Variants in MGAT4C observed in about 807,000 individuals in gnomAD.
The protein encoded by MGAT4C is MGAT4 family member C.
A neutral mutation model predicts 40.1 loss-of-function variants in MGAT4C; 19 were observed. The ratio of observed to expected loss-of-function variants is 0.47; its 90% CI spans 0.33 to 0.70. The LOEUF (loss-of-function observed/expected upper bound fraction) is 0.70, where lower values mean the gene tolerates loss of function less well. Ranked by LOEUF, MGAT4C falls within the 30% of genes least tolerant of loss-of-function variation. The probability of loss-of-function intolerance (pLI) is 0.02; values close to 1 mark genes in which losing one functional copy is unlikely to be tolerated. For missense variants in MGAT4C, 491 were observed against 563.2 expected, an observed-to-expected ratio of 0.87 and a Z score of 1.30; for synonymous variants, 181 against 187.1, an observed-to-expected ratio of 0.97 and a Z score of 0.27.
At chr12:86,419,363 G>A (rs1956779025) in intron 3 of MGAT4C, among the ~76,000 whole-genome samples, 1 of 151,326 alleles carries the variant, frequency 6.6e-6, no homozygotes, top group Non-Finnish European at 1.5e-5. Context: ...TTTTATTTCA[G>A]CCTCTTTGAG....
At chr12:86,540,071 G>A (rs1259094755) in intron 2 of MGAT4C, among the ~76,000 whole-genome samples, 1 of 152,130 alleles carries the variant, frequency 6.6e-6, no homozygotes, top group Non-Finnish European at 1.5e-5. Context: ...ATTGCTTTTG[G>A]TGTTTTAGTC....
intron 1 of MGAT4C, among the ~76,000 whole-genome samples, chr12:86,232,237 T>C (rs78094422): frequency 0.015 from 2,237 of 152,308 alleles, 31 homozygotes; most frequent in African/African-American, 0.035. Flanking sequence ...TTTATGTGTA[T>C]GGAAAAATTT....
chr12:86,190,302 T>A (rs1889238603), intron 1 of MGAT4C, among the ~76,000 whole-genome samples: 1 of 152,152 alleles, frequency 6.6e-6, no homozygotes, highest in Non-Finnish European at 1.5e-5. Flanking sequence ...AAAGATTATG[T>A]CATTCAATAA....
In MGAT4C at chr12:85,979,701, G is replaced by T; in HGVS notation, c.1025C>A (p.Pro342His). ...ATTCATGTTGGTGTACAGACTTGCA[G>T]GGGGGTTATCAGGAATGTCAAATGA... Reference protein sequence around the residue: ...EESFDIPDNPPASLYTNMNVF... With the variant: ...EESFDIPDNPHASLYTNMNVF... The change falls in exon 5 of 5, where the codon CCT becomes CAT. Residue 342 changes from proline to histidine, a missense_variant. Pro to His is a moderately conservative substitution (Grantham distance 77). Coordinates refer to ENST00000611864, the MANE Select transcript of MGAT4C (RefSeq NM_001351288.2). The T allele has an allele frequency of 6.2e-7, 1 of 1,613,304 alleles. No individual in the cohort carries two copies. Among genetic ancestry groups the T allele is most frequent in the Non-Finnish European group, 8.5e-7 (1 of 1,179,760 alleles).
intron 2 of MGAT4C, among the ~76,000 whole-genome samples, chr12:86,565,330 A>G (rs1960044768): frequency 1.3e-5 from 2 of 152,166 alleles, no homozygotes; most frequent in Admixed American, 1.3e-4. Flanking sequence ...CCCAGCCTGC[A>G]CTGATGGCCT....
intron 1 of MGAT4C, among the ~76,000 whole-genome samples, chr12:86,228,148 A>G (rs571987449): frequency 6.6e-6 from 1 of 151,864 alleles, no homozygotes; most frequent in South Asian, 2.1e-4. Context: ...ACATGGCTAC[A>G]GTTTTACTTG....
Position 86,238,154 on chromosome 12 carries a change from C to T in MGAT4C, c.-57+18085G>A, listed in dbSNP as rs149810165. On this transcript the variant is annotated intron_variant, in intron 1 of 4. Coordinates refer to ENST00000611864, the MANE Select transcript of MGAT4C (RefSeq NM_001351288.2). ...AAATGCATTAGTGGCTTTTGTTCTC[C>T]AGTGGAGTCACTATTAAGGGGTATG... Among the ~76,000 whole-genome samples, 65 of 151,978 alleles carry T rather than the reference C, an allele frequency of 4.3e-4. No homozygotes were observed. The East Asian group carries it at 5.6e-3, about 13-fold the overall frequency.
intron 1 of MGAT4C, among the ~76,000 whole-genome samples, chr12:86,816,229 G>C (rs1415613397): frequency 1.3e-5 from 2 of 151,558 alleles, no homozygotes; most frequent in African/African-American, 4.8e-5. Flanking sequence ...TCCTATATTT[G>C]TAGGTTACAA....
chr12:86,581,105 T>G (rs1184002931), intron 2 of MGAT4C, among the ~76,000 whole-genome samples: 2 of 151,420 alleles, frequency 1.3e-5, no homozygotes, highest in East Asian at 3.9e-4. Context: ...ATTAATTAGG[T>G]TTTTCCAGTG....
chr12:86,533,597 ATAAT>A (rs1204719928), intron 2 of MGAT4C, among the ~76,000 whole-genome samples: 1 of 151,736 alleles, frequency 6.6e-6, no homozygotes, highest in African/African-American at 2.4e-5. Context: ...TAATTAAATT[ATAAT>A]TATTTATACA....
At chr12:86,351,160 T>C (rs1250900339) in intron 3 of MGAT4C, among the ~76,000 whole-genome samples, 1 of 152,010 alleles carries the variant, frequency 6.6e-6, no homozygotes, top group African/African-American at 2.4e-5. Context: ...AAAATGAAGG[T>C]TTCTCTAGAG....
chr12:86,793,974 T>C (rs191534130), intron 1 of MGAT4C, among the ~76,000 whole-genome samples: 142 of 152,032 alleles, frequency 9.3e-4, no homozygotes, highest in African/African-American at 3.0e-3. Context: ...GGAAAGCAAG[T>C]AAGAGATGCA....
intron 2 of MGAT4C, among the ~76,000 whole-genome samples, chr12:86,506,117 GA>G (rs1211176273): frequency 4.6e-5 from 7 of 152,156 alleles, no homozygotes; most frequent in African/African-American, 1.7e-4. Flanking sequence ...AGTTTTGTCA[GA>G]AAGAGATGAG....
At chr12:86,715,458 T>G (rs900385825) in intron 2 of MGAT4C, among the ~76,000 whole-genome samples, 7 of 152,134 alleles carry the variant, frequency 4.6e-5, no homozygotes, top group African/African-American at 1.7e-4. Context: ...TTGGTGTTTG[T>G]GCAAACTACC....
intron 3 of MGAT4C, among the ~76,000 whole-genome samples, chr12:86,374,132 C>A (rs564975297): frequency 4.6e-5 from 7 of 151,692 alleles, no homozygotes; most frequent in Admixed American, 3.9e-4. Flanking sequence ...AAGTCATGAG[C>A]AAAAACAGAC....
chr12:86,025,940 A>G (rs1890202416), intron 2 of MGAT4C, among the ~76,000 whole-genome samples: 1 of 151,718 alleles, frequency 6.6e-6, no homozygotes, highest in African/African-American at 2.4e-5. Flanking sequence ...ATACATACAT[A>G]TATGTTTTTA....
At chr12:86,619,472 A>G (rs1289720976) in intron 2 of MGAT4C, among the ~76,000 whole-genome samples, 1 of 151,990 alleles carries the variant, frequency 6.6e-6, no homozygotes, top group African/African-American at 2.4e-5. Context: ...CCCTCTTTTC[A>G]TGGTCTTCAC....
chr12:86,367,825 A>G, intron 3 of MGAT4C, among the ~76,000 whole-genome samples: 1 of 151,812 alleles, frequency 6.6e-6, no homozygotes, highest in Non-Finnish European at 1.5e-5. Context: ...CAAACAAACA[A>G]ACAAAAAACA....
At chr12:86,211,529 G>A (rs1160340495) in intron 1 of MGAT4C, among the ~76,000 whole-genome samples, 1 of 151,286 alleles carries the variant, frequency 6.6e-6, no homozygotes, top group Non-Finnish European at 1.5e-5. Flanking sequence ...GGAGCTTGCA[G>A]TGAGCTGAGA....
Sources: allele counts gnomAD v4.1 joint callset (sites outside exome capture counted in the v4.1 genomes callset), GRCh38; gene constraint gnomAD v4.1.1; transcripts MANE v1.5; gene names NCBI Gene and HGNC (gene_info 2026-07-23, HGNC 2026-07-21).